The following TNFRSF10B variants were observed in gnomAD, a reference collection of about 807,000 sequenced individuals.
TNFRSF10B encodes the protein tumor necrosis factor receptor superfamily member 10B.
A neutral mutation model predicts 41.4 loss-of-function variants in TNFRSF10B; 35 were observed. The observed-to-expected ratio is 0.85, with a 90% CI of 0.65 to 1.12. The LOEUF is 1.12. Ranked by LOEUF, TNFRSF10B falls within the 50% of genes most tolerant of loss-of-function variation. The pLI, the probability that TNFRSF10B is intolerant of heterozygous loss-of-function variation, is 0.00. For synonymous variants in TNFRSF10B, 230 were observed against 215.5 expected (o/e 1.07, Z -0.59); for missense variants, 584 against 552.7 (o/e 1.06, Z -0.57).
intron 1 of TNFRSF10B, among the ~76,000 whole-genome samples, chr8:23,060,460 G>A (rs925130285): frequency 6.6e-6 from 1 of 151,984 alleles, no homozygotes; most frequent in African/African-American, 2.4e-5. Flanking sequence ...ATATGTGAGT[G>A]TTTATTTCTG....
chr8:23,026,736 C>T (rs955501767), intron 7 of TNFRSF10B, among the ~76,000 whole-genome samples: 3 of 152,170 alleles, frequency 2.0e-5, no homozygotes, highest in South Asian at 2.1e-4. Flanking sequence ...AGCTGCCCTA[C>T]GAACTTTGAA....
At chr8:23,049,716 A>C (rs1279975836) in intron 1 of TNFRSF10B, 1 of 152,212 alleles carries the variant, frequency 6.6e-6, no homozygotes, top group Non-Finnish European at 1.5e-5. Flanking sequence ...CCAGTTACAG[A>C]AATAAAAACT....
intron 1 of TNFRSF10B, among the ~76,000 whole-genome samples, chr8:23,058,622 A>G (rs1812738012): frequency 6.6e-6 from 1 of 151,958 alleles, no homozygotes; most frequent in Non-Finnish European, 1.5e-5. Flanking sequence ...AGTAGCTGGG[A>G]CTACAGGCAT....
At chr8:23,031,576 G>T (rs1040988080) in intron 2 of TNFRSF10B, among the ~76,000 whole-genome samples, 103 of 150,704 alleles carry the variant, frequency 6.8e-4, no homozygotes, top group African/African-American at 2.3e-3. Context: ...CTTTTTTTTT[G>T]TAGAGACGAG....
intron 1 of TNFRSF10B, among the ~76,000 whole-genome samples, chr8:23,065,663 A>G (rs1052223323): frequency 6.6e-6 from 1 of 152,236 alleles, no homozygotes; most frequent in Non-Finnish European, 1.5e-5. Context: ...CACAAGGTAT[A>G]TAGTTATATG....
chr8:23,066,906 C>G (rs1038546873), intron 1 of TNFRSF10B, among the ~76,000 whole-genome samples: 17 of 148,472 alleles, frequency 1.1e-4, no homozygotes, highest in Middle Eastern at 3.4e-3. Context: ...TCAAAACAAA[C>G]AAACAAACAA....
At chr8:23,055,763 A>C (rs1812645818) in intron 1 of TNFRSF10B, among the ~76,000 whole-genome samples, 1 of 152,170 alleles carries the variant, frequency 6.6e-6, no homozygotes, top group African/African-American at 2.4e-5. Flanking sequence ...ATGGTTTAGC[A>C]GGGTAATCAC....
intron 2 of TNFRSF10B, among the ~76,000 whole-genome samples, chr8:23,034,651 C>T (rs1811977813): frequency 6.6e-6 from 1 of 152,144 alleles, no homozygotes; most frequent in Non-Finnish European, 1.5e-5. Flanking sequence ...TGCCTGAGCC[C>T]AGGAGTTCAA....
chr8:23,021,409 C>T lies in TNFRSF10B; in HGVS notation c.*1262G>A, dbSNP rs1447369326. 4.4e-6 allele frequency: 2 copies of T among 454,142 alleles called. No homozygotes were observed. Among genetic ancestry groups the T allele is most frequent in the South Asian group, 3.1e-5 (2 of 64,482 alleles). The allele number at this position is 454,142 out of a possible 1,614,324, so 28.1% of individuals were successfully genotyped here. A position where few individuals can be genotyped will look rare whatever the true frequency, so the allele number is the denominator to read the frequency against. On this transcript the variant is annotated 3_prime_UTR_variant, in exon 9 of 9. Transcript: ENST00000276431. The stretch of plus-strand genomic sequence containing the variant: ...GCCGGGCCATCTACTCCTGAGATGG[C>T]AACCATTTCACACCATTCTCAAGCA...
At chr8:23,035,680 A>C (rs568113224) in intron 2 of TNFRSF10B, among the ~76,000 whole-genome samples, 1 of 152,332 alleles carries the variant, frequency 6.6e-6, no homozygotes, top group Non-Finnish European at 1.5e-5. Context: ...ATGATGTGGC[A>C]CATAAGATAT....
rs538550834 is a variant in TNFRSF10B, at chr8:23,063,913, A to G, written c.144+4838T>C. Among the ~76,000 whole-genome samples the G allele has an allele frequency of 1.9e-3, 290 of 152,008 alleles. 5 individuals carry two copies. Among genetic ancestry groups the G allele is most frequent in the Admixed American group, 0.019 (287 of 15,278 alleles). On this transcript the variant is annotated intron_variant, in intron 1 of 8. Coordinates refer to ENST00000276431, the MANE Select transcript of TNFRSF10B (RefSeq NM_003842.5). ...CCTCAGCCTGCCTGCCACACTCCCC[A>G]CCTCTCACGTTTAACACACTCTATG...
In TNFRSF10B at chr8:23,068,679, C is replaced by T. The variant is rs898733720; in HGVS notation, c.144+72G>A. 7 of 1,527,168 alleles carry T rather than the reference C, an allele frequency of 4.6e-6. No individual in the cohort carries two copies. The Admixed American group carries it at 8.1e-5, about 18-fold the overall frequency. 94.6% of individuals were successfully genotyped at this position (1,527,168 alleles called of 1,614,324 possible). ...CCCGGGCCACGCACCCCCGCCGTGT[C>T]CCCCTCTCTCCCTGCCCTCTCCAGG... On this transcript the variant is annotated intron_variant, in intron 1 of 8. Transcript: ENST00000276431.
intron 2 of TNFRSF10B, among the ~76,000 whole-genome samples, chr8:23,039,767 C>A (rs1379863075): frequency 3.3e-5 from 5 of 152,050 alleles, no homozygotes; most frequent in Non-Finnish European, 5.9e-5. Flanking sequence ...ATGACAGCAA[C>A]AATAGAAAGC....
At chr8:23,046,248 G>A (rs933159083) in intron 1 of TNFRSF10B, among the ~76,000 whole-genome samples, 3 of 151,908 alleles carry the variant, frequency 2.0e-5, no homozygotes, top group African/African-American at 7.3e-5. Flanking sequence ...AAGGTTGTGG[G>A]ATACAAAATC....
intron 2 of TNFRSF10B, among the ~76,000 whole-genome samples, chr8:23,037,878 C>T (rs1462879326): frequency 6.6e-6 from 1 of 152,100 alleles, no homozygotes; most frequent in Non-Finnish European, 1.5e-5. Flanking sequence ...AGGAATGGCC[C>T]CACTCCACAT....
chr8:23,051,219 G>GA, intron 1 of TNFRSF10B, among the ~76,000 whole-genome samples: 1 of 151,966 alleles, frequency 6.6e-6, no homozygotes, highest in Non-Finnish European at 1.5e-5. Flanking sequence ...TTGAATAACA[G>GA]AAAAAAGGAA....
chr8:23,026,920 C>T (rs1369265817), intron 7 of TNFRSF10B, among the ~76,000 whole-genome samples: 1 of 152,188 alleles, frequency 6.6e-6, no homozygotes, highest in African/African-American at 2.4e-5. Context: ...TCGGGGGACA[C>T]AGCAAGGACA....
chr8:23,063,666 C>G (rs1278002225), intron 1 of TNFRSF10B, among the ~76,000 whole-genome samples: 2 of 152,188 alleles, frequency 1.3e-5, no homozygotes, highest in Non-Finnish European at 2.9e-5. Context: ...TTGCCTCCTT[C>G]ACGATAATGC....
intron 1 of TNFRSF10B, among the ~76,000 whole-genome samples, chr8:23,045,089 G>A (rs1266674368): frequency 6.9e-6 from 1 of 145,878 alleles, no homozygotes; most frequent in Non-Finnish European, 1.5e-5. Context: ...AAAAAGCCAG[G>A]CATGGAGGTG....
Sources: allele counts gnomAD v4.1 joint callset (sites outside exome capture counted in the v4.1 genomes callset), GRCh38; gene constraint gnomAD v4.1.1; transcripts MANE v1.5; gene names NCBI Gene and HGNC (gene_info 2026-07-23, HGNC 2026-07-21).